Variants in FGF12 observed in about 807,000 individuals in gnomAD.
FGF12 encodes the protein fibroblast growth factor 12.
A neutral mutation model predicts 23.6 loss-of-function variants in FGF12; 14 were observed. The ratio of observed to expected loss-of-function variants is 0.59; its 90% CI spans 0.39 to 0.93. The LOEUF (loss-of-function observed/expected upper bound fraction) is 0.93. Among genes scored for constraint, FGF12 ranks in the 40% least tolerant of loss-of-function variants. FGF12 has a pLI of 0.00. For synonymous variants in FGF12, 62 were observed against 77.3 expected, an observed-to-expected ratio of 0.80 and a Z score of 1.04; for missense variants, 175 against 217.8, an observed-to-expected ratio of 0.80 and a Z score of 1.24.
At chr3:192,455,535 C>A (rs1162906901) in intron 2 of FGF12, among the ~76,000 whole-genome samples, 1 of 152,190 alleles carries the variant, frequency 6.6e-6, no homozygotes. Flanking sequence ...CACAGGATCT[C>A]TTTAATCTCT....
At chr3:192,635,985 T>G (rs1261340808) in intron 2 of FGF12, among the ~76,000 whole-genome samples, 3 of 152,172 alleles carry the variant, frequency 2.0e-5, no homozygotes, top group Non-Finnish European at 4.4e-5. Flanking sequence ...TGTCTCTCTC[T>G]TCACAAATAC....
At chr3:192,578,445 T>C (rs2108611980) in intron 2 of FGF12, among the ~76,000 whole-genome samples, 1 of 152,294 alleles carries the variant, frequency 6.6e-6, no homozygotes, top group East Asian at 1.9e-4. Flanking sequence ...CCCTTTACTG[T>C]CTTTTAAGAT....
intron 2 of FGF12, among the ~76,000 whole-genome samples, chr3:192,648,994 T>C (rs368238590): frequency 6.6e-6 from 1 of 152,138 alleles, no homozygotes; most frequent in Non-Finnish European, 1.5e-5. Flanking sequence ...TAAATGTTAT[T>C]GAGTATGGAG....
At chr3:192,507,346 C>T (rs927126254) in intron 2 of FGF12, among the ~76,000 whole-genome samples, 15 of 79,102 alleles carry the variant, frequency 1.9e-4, no homozygotes, top group Non-Finnish European at 2.9e-4. Context: ...CACACACACA[C>T]ACACACACAC....
chr3:192,444,446 T>C (rs1430537413), intron 2 of FGF12, among the ~76,000 whole-genome samples: 2 of 152,210 alleles, frequency 1.3e-5, no homozygotes, highest in East Asian at 1.9e-4. Context: ...TGTGAAACTG[T>C]CTTTGTTTCT....
chr3:192,193,944 T>A (rs1263676018), intron 4 of FGF12, among the ~76,000 whole-genome samples: 1 of 152,182 alleles, frequency 6.6e-6, no homozygotes, highest in Admixed American at 6.5e-5. Context: ...CTACCAAATA[T>A]ACATACTGGG....
chr3:192,639,855 G>A (rs1476007847), intron 2 of FGF12, among the ~76,000 whole-genome samples: 1 of 152,168 alleles, frequency 6.6e-6, no homozygotes, highest in South Asian at 2.1e-4. Context: ...TAGACACTAA[G>A]GTAGGACTGT....
chr3:192,297,328 G>C (rs1241079302), intron 4 of FGF12, among the ~76,000 whole-genome samples: 1 of 152,142 alleles, frequency 6.6e-6, no homozygotes, highest in East Asian at 1.9e-4. Context: ...GTTTGAAAAG[G>C]GAAGAGAAAA....
chr3:192,269,367 A>G (rs1713283829), intron 4 of FGF12, among the ~76,000 whole-genome samples: 1 of 152,204 alleles, frequency 6.6e-6, no homozygotes, highest in South Asian at 2.1e-4. Context: ...CAGTGTTACC[A>G]GATGTAATCA....
intron 2 of FGF12, 147 bp downstream of exon 2, chr3:192,727,034 T>A (rs1719240908): frequency 1.0e-6 from 1 of 983,842 alleles, no homozygotes; most frequent in Non-Finnish European, 1.6e-6. Context: ...CTGCCACACT[T>A]CCCCAGTGCT....
At chr3:192,227,096 C>T (rs1270814531) in intron 4 of FGF12, among the ~76,000 whole-genome samples, 2 of 152,082 alleles carry the variant, frequency 1.3e-5, no homozygotes, top group Non-Finnish European at 2.9e-5. Flanking sequence ...AGAACTGTGA[C>T]AAATAAATTT....
At chr3:192,435,260 C>G (rs940107075) in intron 2 of FGF12, among the ~76,000 whole-genome samples, 1 of 152,104 alleles carries the variant, frequency 6.6e-6, no homozygotes. Flanking sequence ...TAGTGCAACA[C>G]TAGTTTTTTT....
At position 192,258,330 on chromosome 3, in the gene FGF12, C is replaced by T. The variant is rs368100832; in HGVS notation, c.228+77031G>A. 8.5e-5 allele frequency among the ~76,000 whole-genome samples: 13 copies of T among 152,080 alleles called. No individual in the cohort carries two copies. In the East Asian group the frequency reaches 1.4e-3, roughly 16 times the overall value. ...AACATTAGCCAGGCGTGGTAGTGCA[C>T]GTGTGTAGTCCCAGCTACTAAGGAG... is the stretch of plus-strand genomic sequence containing the variant. On this transcript the variant is annotated intron_variant, in intron 4 of 5. Transcript: ENST00000445105.
chr3:192,569,161 G>C (rs1210680007), intron 2 of FGF12, among the ~76,000 whole-genome samples: 4 of 152,216 alleles, frequency 2.6e-5, no homozygotes, highest in African/African-American at 9.6e-5. Context: ...GTGAACACTT[G>C]CTTTGGGGCC....
chr3:192,214,983 T>TC (rs1410623327), intron 4 of FGF12, among the ~76,000 whole-genome samples: 1 of 152,074 alleles, frequency 6.6e-6, no homozygotes, highest in Admixed American at 6.6e-5. Flanking sequence ...TGCTTTCAGC[T>TC]CCCCCCAGAT....
chr3:192,633,568 C>T (rs148145008), intron 2 of FGF12, among the ~76,000 whole-genome samples: 1 of 152,124 alleles, frequency 6.6e-6, no homozygotes, highest in Non-Finnish European at 1.5e-5. Flanking sequence ...ATATTCAACC[C>T]TTATCCAATT....
In FGF12 at chr3:192,158,383, T is replaced by TTTCTTTC. The variant is rs771206580; in HGVS notation, c.427+12074_427+12075insGAAAGAA. Among the ~76,000 whole-genome samples the TTTCTTTC allele has an allele frequency of 7.3e-4, 63 of 85,892 alleles. 2 individuals are homozygous for TTTCTTTC. The highest frequency in any genetic ancestry group is 2.6e-3 in the East Asian group (8 of 3,024). 56.3% of individuals were successfully genotyped at this position (85,892 alleles called of 152,430 possible). ...CTTTCTTTCTTTCTTTCTTTCTTTC[T>TTTCTTTC]TTTCTTTCTCTCTCTTTCTTTTTCT... is the stretch of plus-strand genomic sequence containing the variant. On this transcript the variant is annotated intron_variant, in intron 5 of 5. Transcript: ENST00000445105.
intron 2 of FGF12, among the ~76,000 whole-genome samples, chr3:192,596,882 G>C (rs1329423887): frequency 1.3e-5 from 2 of 152,132 alleles, no homozygotes; most frequent in East Asian, 3.8e-4. Flanking sequence ...AAACTTTCTG[G>C]AATTTAAAAC....
intron 4 of FGF12, among the ~76,000 whole-genome samples, chr3:192,198,676 C>T (rs1410819524): frequency 6.6e-6 from 1 of 152,128 alleles, no homozygotes; most frequent in Non-Finnish European, 1.5e-5. Context: ...CTGATGTTCT[C>T]CAAATTCCTG....
Sources: allele counts gnomAD v4.1 joint callset (sites outside exome capture counted in the v4.1 genomes callset), GRCh38; gene constraint gnomAD v4.1.1; transcripts MANE v1.5; gene names NCBI Gene and HGNC (gene_info 2026-07-23, HGNC 2026-07-21).